Variants in TMSB10 observed in about 807,000 individuals in gnomAD.
TMSB10 encodes thymosin beta 10.
In TMSB10, 4 loss-of-function variants were observed where a neutral mutation model predicts 4.5. That is an observed-to-expected ratio of 0.89 (90% CI 0.44 to 2.03). The LOEUF is 2.03. TMSB10 is among the 30% of genes most tolerant of loss of function. TMSB10 has a pLI of 0.03. For synonymous variants in TMSB10, 17 were observed against 20.3 expected (o/e 0.84, Z 0.44); for missense variants, 44 against 53.9 (o/e 0.82, Z 0.57).
chr2:84,905,954 G>T (rs1480025792), intron 1 of TMSB10, 49 bp from the exon 2 acceptor site: 9 of 1,515,864 alleles, frequency 5.9e-6, no homozygotes, highest in Non-Finnish European at 7.3e-6. Flanking sequence ...AGCGCGGAAG[G>T]GGACGCTGGC....
In TMSB10 at chr2:84,906,502, C is replaced by T; in HGVS notation, c.*79C>T. ...GAGGAAGAGCCACCTGCAAGATGGACACGAGCCACAAGCTGCACTGTGAAC... is the reference window on the plus strand; with the variant it reads ...GAGGAAGAGCCACCTGCAAGATGGATACGAGCCACAAGCTGCACTGTGAAC... On this transcript the variant is annotated 3_prime_UTR_variant, in exon 3 of 3. Transcript: ENST00000233143. The T allele has an allele frequency of 6.8e-7, 1 of 1,481,098 alleles. No homozygotes were observed. The highest frequency in any genetic ancestry group is 9.0e-7 in the Non-Finnish European group (1 of 1,106,882). 91.7% of individuals were successfully genotyped at this position (1,481,098 alleles called of 1,614,324 possible).
At chr2:84,906,205 G>T in intron 2 of TMSB10, 88 bp downstream of exon 2, 3 of 1,474,992 alleles carry the variant, frequency 2.0e-6, no homozygotes, top group Admixed American at 2.1e-5. Flanking sequence ...CCACCCCGCC[G>T]TTGTCCCCGG....
intron 2 of TMSB10, 85 bp from the exon 3 acceptor site, chr2:84,906,304 G>C: frequency 6.6e-7 from 1 of 1,504,470 alleles, no homozygotes; most frequent in Non-Finnish European, 9.0e-7. Context: ...CACACCTCGT[G>C]GGTGCCTCGC....
At chr2:84,906,180 C>G in intron 2 of TMSB10, 63 bp downstream of exon 2, 1 of 1,518,862 alleles carries the variant, frequency 6.6e-7, no homozygotes, top group South Asian at 1.2e-5. Context: ...CCTTGCAAAC[C>G]CACTCCTCCA....
rs781715978 is a variant in TMSB10 at position 84,906,048 on chromosome 2, G to T, written c.31G>T (p.Ala11Ser). ...AGACAAACCAGACATGGGGGAAATC[G>T]CCAGCTTCGATAAGGCCAAGCTGAA... MADKPDMGEIASFDKAKLKKT... is the reference protein window; with the variant it reads MADKPDMGEISSFDKAKLKKT... Residue 11 changes from alanine (A) to serine (S), a missense_variant, in exon 2 of 3, where the codon GCC becomes TCC. Coordinates refer to ENST00000233143, the MANE Select transcript of TMSB10 (RefSeq NM_021103.4). 1.2e-6 allele frequency: 2 copies of T among 1,613,904 alleles called. No individual in the cohort carries two copies. Among genetic ancestry groups the T allele is most frequent in the East Asian group, 2.2e-5 (1 of 44,856 alleles).
intron 2 of TMSB10, 65 bp downstream of exon 2, chr2:84,906,182 A>G: frequency 6.7e-7 from 1 of 1,497,790 alleles, no homozygotes; most frequent in Non-Finnish European, 9.0e-7. Context: ...TTGCAAACCC[A>G]CTCCTCCACC....
Position 84,905,736 on chromosome 2 carries a change from G to A in TMSB10, c.-16+18G>A, listed in dbSNP as rs933503776. 1 of 303,870 alleles carries A rather than the reference G, an allele frequency of 3.3e-6. No individual in the cohort carries two copies. The allele number at this position is 303,870 out of a possible 1,614,324, so 18.8% of individuals were successfully genotyped here. Reference sequence around the variant, plus strand: ...ACTGCACGGTGAGTGCGGCGCCGGGGCGGGGGGCCCACCCAGGGTGTGGTC... The same window carrying A: ...ACTGCACGGTGAGTGCGGCGCCGGGACGGGGGGCCCACCCAGGGTGTGGTC... On this transcript the variant is annotated intron_variant, in intron 1 of 2. Coordinates refer to ENST00000233143, the MANE Select transcript of TMSB10 (RefSeq NM_021103.4).
chr2:84,906,310 C>T (rs1573973671), intron 2 of TMSB10, 79 bp from the exon 3 acceptor site: 1 of 1,512,710 alleles, frequency 6.6e-7, no homozygotes, highest in East Asian at 2.4e-5. Context: ...TCGTGGGTGC[C>T]TCGCCCACAC....
Position 84,906,587 on chromosome 2 carries a change from C to A in TMSB10, c.*164C>A, listed in dbSNP as rs1449518129. The A allele has an allele frequency of 3.3e-6, 2 of 611,966 alleles. No homozygotes were observed. The highest frequency in any genetic ancestry group is 5.1e-6 in the Non-Finnish European group (2 of 395,022). The allele number at this position is 611,966 out of a possible 1,614,324, so 37.9% of individuals were successfully genotyped here. A position where few individuals can be genotyped will look rare whatever the true frequency, so the allele number is the denominator to read the frequency against. ...GTCTCTGAAGGGACCCCCCCCCAAT[C>A]GGACTGCCAAATTCTCCGGTTTGCC... On this transcript the variant is annotated 3_prime_UTR_variant, in exon 3 of 3. Transcript: ENST00000233143.
rs140658686 is a variant in TMSB10 at position 84,906,194 on chromosome 2, C to A, written c.100+77C>A. On this transcript the variant is annotated intron_variant, in intron 2 of 2. Coordinates refer to ENST00000233143, the MANE Select transcript of TMSB10 (RefSeq NM_021103.4). ...TCCTTGCAAACCCACTCCTCCACCC[C>A]CCACCCCGCCGTTGTCCCCGGTGTG... 3.4e-5 allele frequency: 51 copies of A among 1,478,742 alleles called. 1 individual carries two copies. In the South Asian group the frequency reaches 6.0e-4, roughly 18 times the overall value. 91.6% of individuals were successfully genotyped at this position (1,478,742 alleles called of 1,614,324 possible).
rs1405752014 is a variant in TMSB10 at position 84,906,136 on chromosome 2, C to T, written c.100+19C>T. The T allele has an allele frequency of 6.2e-6, 10 of 1,611,322 alleles. No individual in the cohort carries two copies. Among genetic ancestry groups the T allele is most frequent in the South Asian group, 1.1e-5 (1 of 90,866 alleles). On this transcript the variant is annotated intron_variant, in intron 2 of 2. Transcript: ENST00000233143. ...AAAGAGAGTGAGTGTGCCTCGGTCT[C>T]CCGCGCCCCAGCCCAGCCCCTCACC...
At chr2:84,906,182 A>T in intron 2 of TMSB10, 65 bp downstream of exon 2, 3 of 1,497,790 alleles carry the variant, frequency 2.0e-6, no homozygotes, top group South Asian at 1.2e-5. Context: ...TTGCAAACCC[A>T]CTCCTCCACC....
Position 84,906,472 on chromosome 2 carries a change from A to G in TMSB10, c.*49A>G. The G allele has an allele frequency of 6.4e-7, 1 of 1,568,980 alleles. No homozygotes were observed. Among genetic ancestry groups the G allele is most frequent in the Non-Finnish European group, 8.6e-7 (1 of 1,159,896 alleles). On this transcript the variant is annotated 3_prime_UTR_variant, in exon 3 of 3. Transcript: ENST00000233143. ...CGTCCTCTTCGAGACCCCAGTCGTG[A>G]TGTGGAGGAAGAGCCACCTGCAAGA...
intron 2 of TMSB10, 76 bp downstream of exon 2, chr2:84,906,193 C>T: frequency 6.8e-7 from 1 of 1,476,860 alleles, no homozygotes; most frequent in Non-Finnish European, 9.2e-7. Flanking sequence ...CTCCTCCACC[C>T]CCCACCCCGC....
intron 2 of TMSB10, 121 bp downstream of exon 2, chr2:84,906,238 T>G: frequency 7.0e-7 from 1 of 1,427,862 alleles, no homozygotes; most frequent in Non-Finnish European, 9.5e-7. Context: ...CGGCCACTCT[T>G]TCAGTTTCAC....
Position 84,906,543 on chromosome 2 carries a change from C to T in TMSB10, c.*120C>T, listed in dbSNP as rs1474826751. On this transcript the variant is annotated 3_prime_UTR_variant, in exon 3 of 3. Transcript: ENST00000233143. ...CACTGTGAACCTGGGCACTCCGCGCCGATGCCACCGGCCTGTGGGTCTCTG... is the reference window on the plus strand; with the variant it reads ...CACTGTGAACCTGGGCACTCCGCGCTGATGCCACCGGCCTGTGGGTCTCTG... 11 of 1,181,270 alleles carry T rather than the reference C, an allele frequency of 9.3e-6. No homozygotes were observed. The highest frequency in any genetic ancestry group is 8.6e-5 in the East Asian group (3 of 34,894). The allele number at this position is 1,181,270 out of a possible 1,614,324, so 73.2% of individuals were successfully genotyped here. A position where few individuals can be genotyped will look rare whatever the true frequency, so the allele number is the denominator to read the frequency against.
intron 1 of TMSB10, 113 bp from the exon 2 acceptor site, chr2:84,905,890 G>A: frequency 3.6e-6 from 3 of 832,578 alleles, no homozygotes; most frequent in Non-Finnish European, 5.8e-6. Flanking sequence ...CCTCGGCCTT[G>A]GGGCTGCTCG....
At chr2:84,906,224 G>A (rs1683690602) in intron 2 of TMSB10, 107 bp downstream of exon 2, 1 of 1,441,294 alleles carries the variant, frequency 6.9e-7, no homozygotes, top group Admixed American at 2.2e-5. Flanking sequence ...GGTGTGGGCG[G>A]CCCCGGCCAC....
Position 84,906,465 on chromosome 2 carries a change from A to T in TMSB10, c.*42A>T. 1 of 1,586,274 alleles carries T rather than the reference A, an allele frequency of 6.3e-7. No homozygotes were observed. Among genetic ancestry groups the T allele is most frequent in the East Asian group, 2.3e-5 (1 of 44,260 alleles). On this transcript the variant is annotated 3_prime_UTR_variant, in exon 3 of 3. Coordinates refer to ENST00000233143, the MANE Select transcript of TMSB10 (RefSeq NM_021103.4). ...CTACCCCCGTCCTCTTCGAGACCCCAGTCGTGATGTGGAGGAAGAGCCACC... is the reference window on the plus strand; with the variant it reads ...CTACCCCCGTCCTCTTCGAGACCCCTGTCGTGATGTGGAGGAAGAGCCACC...
Sources: gnomAD v4.1 joint callset for allele counts on GRCh38, gnomAD v4.1.1 for gene constraint, MANE v1.5 for transcripts, NCBI Gene and HGNC (gene_info 2026-07-23, HGNC 2026-07-21) for gene names.